The following NTN1 variants were observed in gnomAD, a reference collection of about 807,000 sequenced individuals.
NTN1 encodes netrin 1.
A neutral mutation model predicts 54.2 loss-of-function variants in NTN1; 11 were observed. The ratio of observed to expected loss-of-function variants is 0.20; its 90% CI spans 0.13 to 0.34. The LOEUF is 0.34. NTN1 is among the 10% of genes least tolerant of loss of function. The pLI, the probability that NTN1 is intolerant of heterozygous loss-of-function variation, is 1.00. For synonymous variants in NTN1, 371 were observed against 382.0 expected, an observed-to-expected ratio of 0.97 and a Z score of 0.33; for missense variants, 740 against 893.1, an observed-to-expected ratio of 0.83 and a Z score of 2.18.
intron 2 of NTN1, among the ~76,000 whole-genome samples, chr17:9,050,171 T>C (rs7221700): frequency 0.4 from 59,879 of 151,026 alleles, 14,102 homozygotes; most frequent in African/African-American, 0.67. Flanking sequence ...GGCATGAACC[T>C]GGGAGGCAGA....
intron 3 of NTN1, among the ~76,000 whole-genome samples, chr17:9,164,381 C>T (rs566672843): frequency 2.7e-5 from 4 of 150,878 alleles, no homozygotes; most frequent in African/African-American, 4.9e-5. Flanking sequence ...GCCAAGATCG[C>T]GCCACCGCAC....
intron 3 of NTN1, among the ~76,000 whole-genome samples, chr17:9,169,655 A>G (rs60551779): frequency 0.25 from 38,167 of 152,128 alleles, 5,448 homozygotes; most frequent in Non-Finnish European, 0.33. Context: ...ACCTGAGGTC[A>G]GGATTTTGAG....
chr17:9,222,034 G>A (rs912197997), intron 6 of NTN1, among the ~76,000 whole-genome samples: 6 of 152,202 alleles, frequency 3.9e-5, no homozygotes, highest in Non-Finnish European at 4.4e-5. Context: ...CAAGGCCCCC[G>A]CATACAGCCA....
At chr17:9,205,134 C>A (rs1437736813) in intron 5 of NTN1, among the ~76,000 whole-genome samples, 1 of 152,200 alleles carries the variant, frequency 6.6e-6, no homozygotes, top group African/African-American at 2.4e-5. Context: ...GCAGCAACTT[C>A]TTGAATGTGG....
In NTN1 at chr17:9,153,406, G is replaced by A. The variant is rs983546736; in HGVS notation, c.1019-9407G>A. 2.6e-5 allele frequency among the ~76,000 whole-genome samples: 4 copies of A among 152,268 alleles called. No individual in the cohort carries two copies. In the South Asian group the frequency reaches 8.3e-4, roughly 32 times the overall value. On this transcript the variant is annotated intron_variant, in intron 2 of 6. Coordinates refer to ENST00000173229, the MANE Select transcript of NTN1 (RefSeq NM_004822.3). ...AGAGCTTGCGGTGAGCTGAGATCCT[G>A]CCACTGCACTCCAGCCTGGGCAACA...
chr17:9,055,308 C>A (rs180716257), intron 2 of NTN1, among the ~76,000 whole-genome samples: 2 of 152,348 alleles, frequency 1.3e-5, no homozygotes, highest in Admixed American at 1.3e-4. Context: ...AGAATGCTAA[C>A]CGCTGCCTGC....
At chr17:9,167,324 A>G (rs1004964301) in intron 3 of NTN1, among the ~76,000 whole-genome samples, 3 of 152,194 alleles carry the variant, frequency 2.0e-5, no homozygotes, top group Non-Finnish European at 4.4e-5. Context: ...AGAGCGGGCA[A>G]AGACGACCAA....
At chr17:9,201,419 C>G (rs75351236) in intron 5 of NTN1, among the ~76,000 whole-genome samples, 2,923 of 152,214 alleles carry the variant, frequency 0.019, 38 homozygotes, top group Non-Finnish European at 0.029. Flanking sequence ...TCAGGGCTAC[C>G]ATAAGGCCTG....
chr17:9,218,830 G>A (rs553043044), intron 5 of NTN1, among the ~76,000 whole-genome samples: 7 of 152,078 alleles, frequency 4.6e-5, no homozygotes, highest in South Asian at 2.1e-4. Flanking sequence ...GGAGAGGTGC[G>A]CCTTGGCCCA....
intron 3 of NTN1, chr17:9,179,094 T>G (rs931557768): frequency 6.6e-6 from 1 of 152,338 alleles, no homozygotes; most frequent in Non-Finnish European, 1.5e-5. Context: ...GCTCCCAGCC[T>G]GGCCGTTCCC....
chr17:9,081,902 TTGC>T lies in NTN1; in HGVS notation c.1018+58515_1018+58517del, dbSNP rs1239098099. Among the ~76,000 whole-genome samples, 2 of 152,320 alleles carry T rather than the reference TTGC, an allele frequency of 1.3e-5. 1 individual carries two copies. The highest frequency in any genetic ancestry group is 4.1e-4 in the South Asian group (2 of 4,826). On this transcript the variant is annotated intron_variant, in intron 2 of 6. Transcript: ENST00000173229. ...TGGAAGAGCACTTCCATTTGCCAAC[TTGC>T]TGCAGGGCCAAGACGTTTTCTCCGA...
intron 2 of NTN1, among the ~76,000 whole-genome samples, chr17:9,114,156 A>ATAT (rs1343963464): frequency 2.2e-4 from 19 of 87,258 alleles, no homozygotes; most frequent in East Asian, 1.4e-3. Context: ...AAAAAAAGAA[A>ATAT]AAAAAAAAAA....
intron 6 of NTN1, among the ~76,000 whole-genome samples, chr17:9,225,502 T>C (rs1905504155): frequency 1.3e-5 from 2 of 152,054 alleles, no homozygotes; most frequent in Non-Finnish European, 2.9e-5. Flanking sequence ...CGGGTTTCTC[T>C]GAGGCTGAGG....
At chr17:9,116,956 C>T (rs117174563) in intron 2 of NTN1, among the ~76,000 whole-genome samples, 2 of 151,870 alleles carry the variant, frequency 1.3e-5, no homozygotes, top group African/African-American at 2.4e-5. Flanking sequence ...GATTTGTGGC[C>T]GAGGTACAAG....
At chr17:9,235,077 C>G (rs757370825) in intron 6 of NTN1, among the ~76,000 whole-genome samples, 3 of 151,400 alleles carry the variant, frequency 2.0e-5, no homozygotes, top group Non-Finnish European at 4.4e-5. Flanking sequence ...ATTCTCCTGC[C>G]TCAGCCTCCC....
intron 4 of NTN1, among the ~76,000 whole-genome samples, chr17:9,180,695 G>A (rs2092416336): frequency 6.6e-6 from 1 of 152,174 alleles, no homozygotes; most frequent in African/African-American, 2.4e-5. Flanking sequence ...GAGAGGAGCT[G>A]GGCAGGGCTT....
intron 2 of NTN1, among the ~76,000 whole-genome samples, chr17:9,123,942 G>T (rs1032850828): frequency 6.6e-6 from 1 of 152,132 alleles, no homozygotes; most frequent in Non-Finnish European, 1.5e-5. Flanking sequence ...TACTGTCCTC[G>T]CTGGTGAGAG....
At chr17:9,018,462 T>A (rs1721105061), upstream of NTN1, among the ~76,000 whole-genome samples, 1 of 151,756 alleles carries the variant, frequency 6.6e-6, no homozygotes, top group Non-Finnish European at 1.5e-5. Flanking sequence ...TGAAACCCCG[T>A]CTCTACTAAA....
intron 2 of NTN1, among the ~76,000 whole-genome samples, chr17:9,116,621 C>G (rs1180762432): frequency 6.6e-6 from 1 of 152,186 alleles, no homozygotes; most frequent in Non-Finnish European, 1.5e-5. Flanking sequence ...GCTTGAAAAC[C>G]AGGCCCAGAA....
Sources: allele counts gnomAD v4.1 joint callset (sites outside exome capture counted in the v4.1 genomes callset), GRCh38; gene constraint gnomAD v4.1.1; transcripts MANE v1.5; gene names NCBI Gene and HGNC (gene_info 2026-07-23, HGNC 2026-07-21).